The following VIP variants were observed in gnomAD, a reference collection of about 807,000 sequenced individuals.
VIP encodes VIP peptides.
A neutral mutation model predicts 20.1 loss-of-function variants in VIP; 18 were observed. The ratio of observed to expected loss-of-function variants is 0.90; its 90% confidence interval spans 0.62 to 1.33. VIP has a LOEUF of 1.33. VIP is among the 40% of genes most tolerant of loss of function. The pLI is 0.00. For missense variants in VIP, 209 were observed against 199.4 expected, an observed-to-expected ratio of 1.05 and a Z score of -0.29; for synonymous variants, 70 against 68.1, an observed-to-expected ratio of 1.03 and a Z score of -0.14.
At position 152,752,211 on chromosome 6, in the gene VIP, C is replaced by T. The variant is rs1380908608; in HGVS notation, c.34C>T (p.Leu12Phe). 1.9e-6 allele frequency: 3 copies of T among 1,613,520 alleles called. No individual in the cohort carries two copies. The highest frequency in any genetic ancestry group is 2.2e-5 in the South Asian group (2 of 91,052). Reference protein sequence around the residue: ...DTRNKAQLLVLLTLLSVLFSQ... With the variant: ...DTRNKAQLLVFLTLLSVLFSQ... The stretch of plus-strand genomic sequence containing the variant: ...CAGAAATAAGGCCCAGCTCCTTGTG[C>T]TCCTGACTCTTCTCAGTGTGCTCTT... Residue 12 changes from leucine to phenylalanine, a missense_variant, in exon 2 of 7, where the codon CTC becomes TTC. Transcript: ENST00000367244.
chr6:152,758,695 G>A (rs982718330), intron 6 of VIP, among the ~76,000 whole-genome samples: 3 of 151,970 alleles, frequency 2.0e-5, no homozygotes, highest in Non-Finnish European at 4.4e-5. Context: ...ATAATGGTTA[G>A]TTAGACGTCT....
chr6:152,754,171 G>A lies in VIP; in HGVS notation c.113G>A (p.Gly38Asp), dbSNP rs2099730069. 1.9e-6 allele frequency: 3 copies of A among 1,609,420 alleles called. No homozygotes were observed. Among genetic ancestry groups the A allele is most frequent in the Admixed American group, 1.7e-5 (1 of 59,412 alleles). Residue 38 changes from glycine to aspartate, a missense_variant, in exon 3 of 7, where the codon GGT becomes GAT. Physicochemically the swap from Gly to Asp is moderately conservative, Grantham distance 94. Transcript: ENST00000367244. ...CGTGTAACTTTCCCCATCAGGTTGG[G>A]TGACAGAATACCCTTTGAGGGAGCA... ...LYRAPSALRL[G>D]DRIPFEGANE...
At position 152,759,600 on chromosome 6, in the gene VIP, C is replaced by T. The variant is rs1418469310; in HGVS notation, c.*734C>T. The T allele has an allele frequency of 2.0e-5, 3 of 151,826 alleles. No homozygotes were observed. The highest frequency in any genetic ancestry group is 7.3e-5 in the African/African-American group (3 of 41,358). The allele number at this position is 151,826 out of a possible 1,614,324, so 9.4% of individuals were successfully genotyped here. ...TGTAAAATGTGAAGTGAATGAAACA[C>T]TCAGTTGTTCAATAATAAATATTTT... On this transcript the variant is annotated 3_prime_UTR_variant, in exon 7 of 7. Coordinates refer to ENST00000367244, the MANE Select transcript of VIP (RefSeq NM_003381.4).
intron 2 of VIP, 74 bp downstream of exon 2, chr6:152,752,358 G>T: frequency 7.8e-7 from 1 of 1,277,050 alleles, no homozygotes. Flanking sequence ...ACATTTTGTT[G>T]GACAACTAAA....
chr6:152,752,271 CCTT>C lies in VIP; in HGVS notation c.97_99del (p.Ser33del). On this transcript the variant is annotated inframe_deletion, in exon 2 of 7. Transcript: ENST00000367244. ...TTCGGCATGGCCTCTTTACAGGGCA[CCTT>C]CTGCTCTCAGGTAAGTTCCCTTTCA... 1 of 1,612,880 alleles carries C rather than the reference CCTT, an allele frequency of 6.2e-7. No homozygotes were observed. Among genetic ancestry groups the C allele is most frequent in the South Asian group, 1.1e-5 (1 of 91,040 alleles).
Position 152,758,805 on chromosome 6 carries a change from CA to C in VIP, c.*44-102del, listed in dbSNP as rs1583999445. The C allele has an allele frequency of 3.9e-5, 6 of 152,036 alleles. 1 individual carries two copies. Among genetic ancestry groups the C allele is most frequent in the South Asian group, 2.1e-4 (1 of 4,828 alleles). The allele number at this position is 152,036 out of a possible 1,614,324, so 9.4% of individuals were successfully genotyped here. On this transcript the variant is annotated intron_variant, in intron 6 of 6. Coordinates refer to ENST00000367244, the MANE Select transcript of VIP (RefSeq NM_003381.4). Reference sequence around the variant, plus strand: ...CCTGCCACAGGCTGTTAACAAGGGACAAAGAGAAATAAGTGTTTATCAGATA... The same window carrying C: ...CCTGCCACAGGCTGTTAACAAGGGACAAGAGAAATAAGTGTTTATCAGATA...
chr6:152,756,747 C>T (rs1251274245), intron 5 of VIP, among the ~76,000 whole-genome samples: 1 of 151,874 alleles, frequency 6.6e-6, no homozygotes, highest in Non-Finnish European at 1.5e-5. Flanking sequence ...AAATCTATAT[C>T]TCTCTATGGT....
chr6:152,754,118 G>A (rs1007735445), intron 2 of VIP, 48 bp from the exon 3 acceptor site: 2 of 1,585,318 alleles, frequency 1.3e-6, no homozygotes, highest in Admixed American at 1.8e-5. Flanking sequence ...CATACACACT[G>A]TCTTCTGAAA....
chr6:152,752,070 ACT>A (rs113626638), intron 1 of VIP, 96 bp from the exon 2 acceptor site: 22 of 717,088 alleles, frequency 3.1e-5, no homozygotes, highest in African/African-American at 1.9e-4. Flanking sequence ...CTCTTTACAA[ACT>A]CTGCAAGAGC....
At chr6:152,754,546 C>T (rs1389686250) in intron 3 of VIP, among the ~76,000 whole-genome samples, 1 of 151,932 alleles carries the variant, frequency 6.6e-6, no homozygotes, top group Non-Finnish European at 1.5e-5. Context: ...TCCAACATCA[C>T]AGATTGTACC....
At chr6:152,751,959 A>G (rs2129074075) in intron 1 of VIP, among the ~76,000 whole-genome samples, 1 of 152,294 alleles carries the variant, frequency 6.6e-6, no homozygotes, top group Non-Finnish European at 1.5e-5. Flanking sequence ...ACAGCAGGTG[A>G]AAAGGATTCT....
At chr6:152,758,612 T>C (rs1435943273) in intron 6 of VIP, among the ~76,000 whole-genome samples, 1 of 152,040 alleles carries the variant, frequency 6.6e-6, no homozygotes, top group Non-Finnish European at 1.5e-5. Context: ...TTTAAATGGG[T>C]GGCTTTGGAC....
At chr6:152,755,248 T>A in intron 3 of VIP, 21 bp from the exon 4 acceptor site, 1 of 1,512,832 alleles carries the variant, frequency 6.6e-7, no homozygotes, top group Non-Finnish European at 8.9e-7. Flanking sequence ...ATAATAGCTA[T>A]TTTTTTCTTC....
At chr6:152,755,439 C>A in intron 4 of VIP, 66 bp downstream of exon 4, 1 of 1,009,202 alleles carries the variant, frequency 9.9e-7, no homozygotes, top group Non-Finnish European at 1.4e-6. Context: ...TGTATTTTCA[C>A]TCTTAACAAG....
In VIP at chr6:152,753,929, T is replaced by C. The variant is rs78888753; in HGVS notation, c.108-237T>C. Reference sequence around the variant, plus strand: ...ATAAGATTGAATTAAGTAGCTCTTGTGTTTTGTATATTCAGCTTATAAAAG... The same window carrying C: ...ATAAGATTGAATTAAGTAGCTCTTGCGTTTTGTATATTCAGCTTATAAAAG... On this transcript the variant is annotated intron_variant, in intron 2 of 6. Coordinates refer to ENST00000367244, the MANE Select transcript of VIP (RefSeq NM_003381.4). Among the ~76,000 whole-genome samples the C allele has an allele frequency of 8.9e-3, 1,353 of 152,228 alleles. 25 individuals are homozygous for C. Among genetic ancestry groups the C allele is most frequent in the African/African-American group, 0.031 (1,293 of 41,546 alleles).
chr6:152,751,864 G>C (rs952975710), intron 1 of VIP, among the ~76,000 whole-genome samples: 3 of 152,080 alleles, frequency 2.0e-5, no homozygotes, highest in Non-Finnish European at 4.4e-5. Context: ...GTACATCCCT[G>C]TTATGAAAAG....
chr6:152,752,146 T>C (rs2129074105), intron 1 of VIP, 22 bp from the exon 2 acceptor site: 2 of 1,576,648 alleles, frequency 1.3e-6, no homozygotes, highest in Admixed American at 1.7e-5. Context: ...CTGGAAGAAC[T>C]GAGGTGATTC....
chr6:152,759,414 T>C lies in VIP; in HGVS notation c.*548T>C, dbSNP rs2099730902. The C allele has an allele frequency of 6.6e-6, 1 of 152,010 alleles. No individual in the cohort carries two copies. The highest frequency in any genetic ancestry group is 2.4e-5 in the African/African-American group (1 of 41,422). 9.4% of individuals were successfully genotyped at this position (152,010 alleles called of 1,614,324 possible). The stretch of plus-strand genomic sequence containing the variant: ...AAAGATTTTCAGAAAATATTATGTG[T>C]TTCCATATTTTATAGGCAACCTTTA... On this transcript the variant is annotated 3_prime_UTR_variant, in exon 7 of 7. Transcript: ENST00000367244.
intron 4 of VIP, 116 bp downstream of exon 4, chr6:152,755,489 T>C (rs2099730293): frequency 1.6e-6 from 1 of 606,762 alleles, no homozygotes; most frequent in Non-Finnish European, 2.6e-6. Flanking sequence ...GTTGATAATG[T>C]TTAATTTAGT....
Sources: gnomAD v4.1 joint callset for allele counts (sites outside exome capture counted in the v4.1 genomes callset) on GRCh38, gnomAD v4.1.1 for gene constraint, MANE v1.5 for transcripts, NCBI Gene and HGNC (gene_info 2026-07-23, HGNC 2026-07-21) for gene names.